Variants in ARHGAP24 observed in about 807,000 individuals in gnomAD.
The protein encoded by ARHGAP24 is rho GTPase-activating protein 24.
In ARHGAP24, 50 loss-of-function variants were observed where a neutral mutation model predicts 76.4. The ratio of observed to expected loss-of-function variants is 0.65; its 90% CI spans 0.52 to 0.83. The LOEUF (loss-of-function observed/expected upper bound fraction) is 0.83. Among genes scored for constraint, ARHGAP24 ranks in the 40% least tolerant of loss-of-function variants. The pLI, the probability that ARHGAP24 is intolerant of heterozygous loss-of-function variation, is 0.00. For synonymous variants in ARHGAP24, 345 were observed against 323.3 expected (o/e 1.07, Z -0.72); for missense variants, 930 against 914.2 (o/e 1.02, Z -0.22).
chr4:85,548,858 T>C (rs1726017579), intron 1 of ARHGAP24, among the ~76,000 whole-genome samples: 1 of 152,192 alleles, frequency 6.6e-6, no homozygotes, highest in Non-Finnish European at 1.5e-5. Context: ...AGTTTCCTGA[T>C]TTCTATCACT....
intron 3 of ARHGAP24, among the ~76,000 whole-genome samples, chr4:85,766,752 G>T (rs1726945234): frequency 6.6e-6 from 1 of 152,098 alleles, no homozygotes; most frequent in African/African-American, 2.4e-5. Context: ...AATCACTAAG[G>T]TCATTTACTA....
At chr4:85,868,447 T>G (rs544169891) in intron 3 of ARHGAP24, among the ~76,000 whole-genome samples, 68 of 152,256 alleles carry the variant, frequency 4.5e-4, no homozygotes, top group African/African-American at 1.5e-3. Flanking sequence ...AGAATGCAAA[T>G]TTCCCCACAA....
chr4:86,000,080 C>CTTTTTTTTTTTTTTTTTTTTTTTTTTT (rs35831725), intron 9 of ARHGAP24: 1 of 143,350 alleles, frequency 7.0e-6, no homozygotes, highest in Non-Finnish European at 1.5e-5. Flanking sequence ...TTATTGCCCT[C>CTTTTTTTTTTTTTTTTTTTTTTTTTTT]TTTTTTTTTT....
chr4:85,840,017 CTTTTT>C (rs70948759), intron 3 of ARHGAP24, among the ~76,000 whole-genome samples: 63 of 116,016 alleles, frequency 5.4e-4, no homozygotes, highest in Admixed American at 2.1e-3. Flanking sequence ...GCCTGGCTAA[CTTTTT>C]TTTTTTTTTT....
At chr4:85,724,215 T>C (rs1359671660) in intron 3 of ARHGAP24, among the ~76,000 whole-genome samples, 1 of 152,124 alleles carries the variant, frequency 6.6e-6, no homozygotes, top group Non-Finnish European at 1.5e-5. Context: ...CTTCTGAAAA[T>C]CTATCATAAA....
At chr4:85,506,463 C>T (rs1038934714) in intron 1 of ARHGAP24, among the ~76,000 whole-genome samples, 5 of 152,222 alleles carry the variant, frequency 3.3e-5, no homozygotes, top group African/African-American at 1.2e-4. Flanking sequence ...GGACGCCCCT[C>T]CCCCAGCCAG....
At chr4:85,654,959 A>G (rs528054098) in intron 2 of ARHGAP24, among the ~76,000 whole-genome samples, 22 of 152,352 alleles carry the variant, frequency 1.4e-4, no homozygotes, top group African/African-American at 5.3e-4. Flanking sequence ...TAAATTGAAT[A>G]TATACAGAAT....
chr4:85,693,942 G>T (rs543639154), intron 2 of ARHGAP24, among the ~76,000 whole-genome samples: 7 of 152,244 alleles, frequency 4.6e-5, no homozygotes, highest in African/African-American at 1.7e-4. Flanking sequence ...GGTACCTGGG[G>T]TGCCCTGTGG....
At chr4:85,818,841 T>G (rs1412915320) in intron 3 of ARHGAP24, among the ~76,000 whole-genome samples, 1 of 152,226 alleles carries the variant, frequency 6.6e-6, no homozygotes, top group East Asian at 1.9e-4. Context: ...ATTGATTCCC[T>G]GTTGTGAGTA....
At chr4:85,671,026 C>G (rs1722798057) in intron 2 of ARHGAP24, among the ~76,000 whole-genome samples, 1 of 152,196 alleles carries the variant, frequency 6.6e-6, no homozygotes, top group African/African-American at 2.4e-5. Flanking sequence ...TTGAGCACAA[C>G]TGACCTACGA....
intron 3 of ARHGAP24, among the ~76,000 whole-genome samples, chr4:85,727,994 G>T (rs1725232792): frequency 6.6e-6 from 1 of 151,248 alleles, no homozygotes; most frequent in Non-Finnish European, 1.5e-5. Context: ...ATTTTTATCT[G>T]CCTGGAAACA....
chr4:85,841,089 A>G (rs1466278571), intron 3 of ARHGAP24, among the ~76,000 whole-genome samples: 1 of 152,208 alleles, frequency 6.6e-6, no homozygotes, highest in Non-Finnish European at 1.5e-5. Flanking sequence ...TATGTTTTAA[A>G]TGGAATCCAG....
At chr4:85,766,147 G>A (rs1236474245) in intron 3 of ARHGAP24, among the ~76,000 whole-genome samples, 3 of 152,028 alleles carry the variant, frequency 2.0e-5, no homozygotes, top group Non-Finnish European at 1.5e-5. Context: ...TCAAAATCAT[G>A]ACCCTATTTC....
At chr4:85,723,721 C>A (rs1295888112) in intron 3 of ARHGAP24, 2 of 152,120 alleles carry the variant, frequency 1.3e-5, no homozygotes, top group African/African-American at 4.8e-5. Context: ...AGAAGTGTTC[C>A]AAATGTATCT....
At chr4:85,973,431 T>C (rs1739108971) in intron 6 of ARHGAP24, among the ~76,000 whole-genome samples, 1 of 152,246 alleles carries the variant, frequency 6.6e-6, no homozygotes, top group African/African-American at 2.4e-5. Flanking sequence ...TTTAGATATA[T>C]GTCCCTTATA....
At chr4:85,952,599 G>A (rs146191405) in intron 5 of ARHGAP24, among the ~76,000 whole-genome samples, 1 of 152,304 alleles carries the variant, frequency 6.6e-6, no homozygotes, top group African/African-American at 2.4e-5. Flanking sequence ...GCATGGATGA[G>A]CCTTTATTAA....
chr4:85,632,202 A>C (rs1045557823), intron 2 of ARHGAP24, among the ~76,000 whole-genome samples: 6 of 151,842 alleles, frequency 4.0e-5, no homozygotes, highest in African/African-American at 1.5e-4. Context: ...TTGTCTTACC[A>C]TATGTTCTCT....
chr4:85,917,557 C>T (rs897900646), intron 3 of ARHGAP24, among the ~76,000 whole-genome samples: 2 of 152,130 alleles, frequency 1.3e-5, no homozygotes, highest in African/African-American at 2.4e-5. Flanking sequence ...TATTTCTCCA[C>T]ATCCTCTCCA....
chr4:85,995,133 G>A lies in ARHGAP24; in HGVS notation c.1479G>A (p.Gly493=), dbSNP rs201355643. The change falls in exon 9 of 10, where the codon GGG becomes GGA. Residue 493 remains glycine (G), a synonymous_variant. Coordinates refer to ENST00000395184, the MANE Select transcript of ARHGAP24 (RefSeq NM_001025616.3). Reference sequence around the variant, plus strand: ...GCATTTTGAACAGCGACACACTCGGGAACCCCACAAATGTTCGAAACATGA... The same window carrying A: ...GCATTTTGAACAGCGACACACTCGGAAACCCCACAAATGTTCGAAACATGA... ...RMGILNSDTL[G]NPTNVRNMSW... 2 of 1,614,010 alleles carry A rather than the reference G, an allele frequency of 1.2e-6. No homozygotes were observed. The highest frequency in any genetic ancestry group is 2.2e-5 in the East Asian group (1 of 44,842).
Sources: gnomAD v4.1 joint callset for allele counts (sites outside exome capture counted in the v4.1 genomes callset) on GRCh38, gnomAD v4.1.1 for gene constraint, MANE v1.5 for transcripts, NCBI Gene and HGNC (gene_info 2026-07-23, HGNC 2026-07-21) for gene names.